Variants in ZNF385D observed in about 807,000 individuals in gnomAD.
ZNF385D encodes zinc finger protein 659.
In ZNF385D, 15 loss-of-function variants were observed where a neutral mutation model predicts 35.8. The observed-to-expected ratio is 0.42, with a 90% CI of 0.28 to 0.64. The LOEUF (loss-of-function observed/expected upper bound fraction) is 0.64, where lower values mean the gene tolerates loss of function less well. Ranked by LOEUF, ZNF385D falls within the 30% of genes least tolerant of loss-of-function variation. The pLI is 0.23. For missense variants in ZNF385D, 474 were observed against 494.6 expected, an observed-to-expected ratio of 0.96 and a Z score of 0.39; for synonymous variants, 212 against 186.8, an observed-to-expected ratio of 1.13 and a Z score of -1.10.
At chr3:21,748,021 T>C (rs1484317970) in intron 1 of ZNF385D, among the ~76,000 whole-genome samples, 2 of 152,174 alleles carry the variant, frequency 1.3e-5, no homozygotes, top group African/African-American at 4.8e-5. Flanking sequence ...GTGAACCTTA[T>C]ATTTAACTCC....
chr3:21,717,146 A>G (rs1031961201), intron 1 of ZNF385D, among the ~76,000 whole-genome samples: 2 of 152,180 alleles, frequency 1.3e-5, no homozygotes, highest in African/African-American at 4.8e-5. Flanking sequence ...TTCCTGACAC[A>G]TAGCAAATTC....
intron 4 of ZNF385D, among the ~76,000 whole-genome samples, chr3:21,491,444 A>G (rs937082904): frequency 6.6e-6 from 1 of 152,152 alleles, no homozygotes; most frequent in Non-Finnish European, 1.5e-5. Flanking sequence ...CCATCTAAGA[A>G]AAAAACCCTG....
At chr3:21,773,185 A>G (rs1435049797) in intron 3 of ZNF385D, among the ~76,000 whole-genome samples, 1 of 151,934 alleles carries the variant, frequency 6.6e-6, no homozygotes, top group African/African-American at 2.4e-5. Context: ...TGTACAGTGA[A>G]AAGTGGTTAA....
chr3:21,887,934 A>T (rs1303313335), intron 3 of ZNF385D, among the ~76,000 whole-genome samples: 1 of 152,152 alleles, frequency 6.6e-6, no homozygotes, highest in Non-Finnish European at 1.5e-5. Context: ...ATGTCCATTG[A>T]AATAATATTA....
chr3:22,297,737 T>C (rs1275839078), intron 2 of ZNF385D, among the ~76,000 whole-genome samples: 3 of 152,098 alleles, frequency 2.0e-5, no homozygotes, highest in African/African-American at 7.2e-5. Context: ...AATTTTCTTA[T>C]GTAATATAGA....
intron 2 of ZNF385D, among the ~76,000 whole-genome samples, chr3:22,281,961 T>C (rs1213082401): frequency 6.6e-6 from 1 of 152,126 alleles, no homozygotes; most frequent in African/African-American, 2.4e-5. Flanking sequence ...TATTTCCTCT[T>C]GGTTTAATCT....
chr3:22,141,733 G>A (rs188236689), intron 3 of ZNF385D, among the ~76,000 whole-genome samples: 5 of 152,262 alleles, frequency 3.3e-5, no homozygotes, highest in East Asian at 1.9e-4. Context: ...AATACCTTGT[G>A]TCAATACTTA....
At chr3:21,782,793 G>A (rs1312937635) in intron 3 of ZNF385D, among the ~76,000 whole-genome samples, 1 of 152,114 alleles carries the variant, frequency 6.6e-6, no homozygotes, top group Non-Finnish European at 1.5e-5. Flanking sequence ...TAGGGTGAGA[G>A]TGATAAAATG....
At chr3:21,466,913 A>C (rs163473) in intron 4 of ZNF385D, among the ~76,000 whole-genome samples, 9,810 of 152,138 alleles carry the variant, frequency 0.064, 427 homozygotes, top group Non-Finnish European at 0.092. Flanking sequence ...CAATGAGATA[A>C]CCAGCCCAAG....
chr3:22,317,569 A>C (rs1245732034), intron 2 of ZNF385D, among the ~76,000 whole-genome samples: 2 of 152,058 alleles, frequency 1.3e-5, no homozygotes, highest in African/African-American at 2.4e-5. Flanking sequence ...CTCCACCTCC[A>C]TGCTACATTT....
At chr3:21,439,478 A>G (rs1701751122) in intron 4 of ZNF385D, among the ~76,000 whole-genome samples, 1 of 152,002 alleles carries the variant, frequency 6.6e-6, no homozygotes, top group African/African-American at 2.4e-5. Context: ...CCACACACTG[A>G]AGCCAGCGTG....
chr3:21,519,741 A>G (rs1707795802), intron 3 of ZNF385D, among the ~76,000 whole-genome samples: 1 of 152,230 alleles, frequency 6.6e-6, no homozygotes, highest in Non-Finnish European at 1.5e-5. Context: ...TCAAGTTTGT[A>G]CAAAACTGAG....
At chr3:22,146,289 T>C (rs1194611635) in intron 3 of ZNF385D, among the ~76,000 whole-genome samples, 1 of 152,214 alleles carries the variant, frequency 6.6e-6, no homozygotes, top group Non-Finnish European at 1.5e-5. Context: ...ATAGTTAGAA[T>C]AATTTTATTT....
At chr3:21,834,032 G>T (rs987835783) in intron 3 of ZNF385D, among the ~76,000 whole-genome samples, 2 of 151,942 alleles carry the variant, frequency 1.3e-5, no homozygotes, top group Admixed American at 1.3e-4. Context: ...ATTAATACAC[G>T]TAAAATATTT....
At chr3:22,327,221 G>A (rs1467975357) in intron 2 of ZNF385D, among the ~76,000 whole-genome samples, 1 of 151,924 alleles carries the variant, frequency 6.6e-6, no homozygotes, top group Admixed American at 6.6e-5. Context: ...TTCGAAAACT[G>A]GTAGCCAGGA....
At chr3:21,437,300 G>T in intron 4 of ZNF385D, 97 bp from the exon 5 acceptor site, 1 of 1,163,550 alleles carries the variant, frequency 8.6e-7, no homozygotes, top group Non-Finnish European at 1.2e-6. Flanking sequence ...TGCTTATAAT[G>T]ATAAGAGCAG....
chr3:21,835,308 T>C (rs1049611867), intron 3 of ZNF385D, among the ~76,000 whole-genome samples: 3 of 151,820 alleles, frequency 2.0e-5, no homozygotes, highest in Non-Finnish European at 2.9e-5. Flanking sequence ...TAGTACCAAA[T>C]AGGTACTATG....
At chr3:21,780,674 T>C (rs2125634939) in intron 3 of ZNF385D, among the ~76,000 whole-genome samples, 1 of 152,200 alleles carries the variant, frequency 6.6e-6, no homozygotes, top group South Asian at 2.1e-4. Context: ...TAATTGTATT[T>C]TACATTAGAC....
At chr3:22,162,294 C>G (rs1200738005) in intron 3 of ZNF385D, among the ~76,000 whole-genome samples, 4 of 152,124 alleles carry the variant, frequency 2.6e-5, no homozygotes, top group Non-Finnish European at 4.4e-5. Flanking sequence ...GGGCTACAGA[C>G]TACAGGAACA....
Sources: allele counts gnomAD v4.1 joint callset (sites outside exome capture counted in the v4.1 genomes callset), GRCh38; gene constraint gnomAD v4.1.1; transcripts MANE v1.5; gene names NCBI Gene and HGNC (gene_info 2026-07-23, HGNC 2026-07-21).